The following CACNA1E variants were observed in gnomAD, a reference collection of about 807,000 sequenced individuals.
CACNA1E encodes the protein calcium voltage-gated channel subunit alpha1 E.
A neutral mutation model predicts 259.2 loss-of-function variants in CACNA1E; 40 were observed. That is an observed-to-expected ratio of 0.15 (90% CI 0.12 to 0.20). CACNA1E has a LOEUF of 0.20. CACNA1E is among the 10% of genes least tolerant of loss of function. CACNA1E has a pLI of 1.00. For missense variants in CACNA1E, 1,874 were observed against 3,040.1 expected (o/e 0.62, Z 9.02); for synonymous variants, 1,104 against 1,138.5 (o/e 0.97, Z 0.61).
At chr1:181,714,173 C>CCTGG (rs1371556863) in intron 8 of CACNA1E, among the ~76,000 whole-genome samples, 13 of 152,156 alleles carry the variant, frequency 8.5e-5, no homozygotes, top group African/African-American at 3.1e-4. Flanking sequence ...AACATATCTG[C>CCTGG]CTGGCTGACT....
Position 181,397,446 on chromosome 1 carries a change from A to G in CACNA1E, c.-14-15687A>G, listed in dbSNP as rs569439834. Among the ~76,000 whole-genome samples the G allele has an allele frequency of 4.6e-5, 7 of 152,262 alleles. No homozygotes were observed. The South Asian group carries it at 1.2e-3, about 27-fold the overall frequency. ...CTTCCAAGTAGCTGGGATTACAGGCATGCGTCACCACACCAGGCTAATTTT... is the reference window on the plus strand; with the variant it reads ...CTTCCAAGTAGCTGGGATTACAGGCGTGCGTCACCACACCAGGCTAATTTT... On this transcript the variant is annotated intron_variant, in intron 1 of 11. Coordinates refer to the CACNA1E transcript ENST00000524607.
chr1:181,371,378 C>T (rs1309456698), intron 1 of CACNA1E, among the ~76,000 whole-genome samples: 2 of 152,196 alleles, frequency 1.3e-5, no homozygotes, highest in Non-Finnish European at 2.9e-5. Flanking sequence ...CCTCCCACCT[C>T]AGCCTATGGA....
At chr1:181,606,492 G>C (rs1349572764) in intron 6 of CACNA1E, among the ~76,000 whole-genome samples, 1 of 152,084 alleles carries the variant, frequency 6.6e-6, no homozygotes, top group Non-Finnish European at 1.5e-5. Flanking sequence ...CCCTGACCTG[G>C]CCACCATCTT....
intron 1 of CACNA1E, among the ~76,000 whole-genome samples, chr1:181,322,450 A>C (rs200035375): frequency 3.3e-5 from 5 of 152,228 alleles, no homozygotes; most frequent in Non-Finnish European, 5.9e-5. Context: ...AGCCCCTTGC[A>C]AAACCATTTT....
intron 6 of CACNA1E, among the ~76,000 whole-genome samples, chr1:181,604,894 T>C (rs1162494900): frequency 1.3e-5 from 2 of 152,116 alleles, no homozygotes; most frequent in African/African-American, 4.8e-5. Flanking sequence ...CTAAGTCCAA[T>C]TTGTAGGACA....
At position 181,718,071 on chromosome 1, in the gene CACNA1E, G is replaced by C; in HGVS notation, c.1542G>C (p.Leu514=). ...TACTTCCAGACTATGCAGAATTTCTGTTTCTGGGACTCTTCCTCTTGGAGA... is the reference window on the plus strand; with the variant it reads ...TACTTCCAGACTATGCAGAATTTCTCTTTCTGGGACTCTTCCTCTTGGAGA... ...LTHLLYYAEF[L]FLGLFLLEMS... The change falls in exon 12 of 48, where the codon CTG becomes CTC. Residue 514 remains leucine (L), a synonymous_variant. Coordinates refer to ENST00000367573, the MANE Select transcript of CACNA1E (RefSeq NM_001205293.3). 6.3e-7 allele frequency: 1 copy of C among 1,589,136 alleles called. No individual in the cohort carries two copies. Among genetic ancestry groups the C allele is most frequent in the Non-Finnish European group, 8.6e-7 (1 of 1,157,566 alleles).
intron 6 of CACNA1E, among the ~76,000 whole-genome samples, chr1:181,613,015 ACTGT>A (rs1654885839): frequency 6.6e-6 from 1 of 152,148 alleles, no homozygotes; most frequent in East Asian, 1.9e-4. Context: ...TTTCTCTGTT[ACTGT>A]CTGTCACCTT....
Position 181,784,749 on chromosome 1 carries a change from G to T in CACNA1E, c.5559G>T (p.Leu1853=). The change falls in exon 41 of 48, where the codon CTG becomes CTT. Residue 1853 remains leucine, a synonymous_variant. Coordinates refer to ENST00000367573, the MANE Select transcript of CACNA1E (RefSeq NM_001205293.3). ...ACCTATCCCAGAAGATGCTGGATCTGCTTGTGCCCATGCCCAAAGGTTTGG... is the reference window on the plus strand; with the variant it reads ...ACCTATCCCAGAAGATGCTGGATCTTCTTGTGCCCATGCCCAAAGGTTTGG... ...WPHLSQKMLD[L]LVPMPKASDL... is the part of the protein sequence containing the mutation. 1 of 1,575,080 alleles carries T rather than the reference G, an allele frequency of 6.3e-7. No homozygotes were observed.
intron 6 of CACNA1E, among the ~76,000 whole-genome samples, chr1:181,604,507 C>T (rs1171262511): frequency 6.6e-6 from 1 of 152,160 alleles, no homozygotes; most frequent in Non-Finnish European, 1.5e-5. Flanking sequence ...TGGGTTTGGC[C>T]CTTGCAGGCA....
chr1:181,791,960 G>A (rs1023367080), intron 44 of CACNA1E, among the ~76,000 whole-genome samples: 1 of 152,184 alleles, frequency 6.6e-6, no homozygotes, highest in Non-Finnish European at 1.5e-5. Flanking sequence ...ACAGAGAATC[G>A]TGCATGGTTG....
At chr1:181,442,683 G>A (rs1015358910) in intron 2 of CACNA1E, among the ~76,000 whole-genome samples, 4 of 152,152 alleles carry the variant, frequency 2.6e-5, no homozygotes, top group Non-Finnish European at 5.9e-5. Flanking sequence ...AGGAGTTGGA[G>A]GACATGACCA....
intron 1 of CACNA1E, among the ~76,000 whole-genome samples, chr1:181,493,468 C>T (rs1335350914): frequency 2.6e-5 from 4 of 152,184 alleles, no homozygotes; most frequent in African/African-American, 9.7e-5. Context: ...ACAGGGTGCT[C>T]TTCTGTTGTT....
chr1:181,578,800 C>T (rs1289584574), intron 4 of CACNA1E, among the ~76,000 whole-genome samples: 1 of 152,140 alleles, frequency 6.6e-6, no homozygotes, highest in African/African-American at 2.4e-5. Context: ...CTGAATAGTG[C>T]TTGTACTAAT....
intron 6 of CACNA1E, 74 bp downstream of exon 6, chr1:181,580,850 T>G (rs1315509077): frequency 2.6e-5 from 35 of 1,359,680 alleles, no homozygotes; most frequent in Non-Finnish European, 3.2e-5. Flanking sequence ...TTGTTTGGCC[T>G]GGCTAGTCCG....
chr1:181,623,916 A>G (rs1249542213), intron 6 of CACNA1E, among the ~76,000 whole-genome samples: 2 of 152,224 alleles, frequency 1.3e-5, no homozygotes, highest in African/African-American at 4.8e-5. Context: ...TTTTCTTGCT[A>G]TAAAAGAATA....
intron 37 of CACNA1E, among the ~76,000 whole-genome samples, chr1:181,772,678 T>C (rs1659624355): frequency 6.6e-6 from 1 of 152,156 alleles, no homozygotes; most frequent in South Asian, 2.1e-4. Flanking sequence ...AAAGGTACCT[T>C]GAAAATGCAA....
chr1:181,722,389 C>T (rs1406259402), intron 16 of CACNA1E, among the ~76,000 whole-genome samples: 2 of 152,148 alleles, frequency 1.3e-5, no homozygotes, highest in East Asian at 3.9e-4. Context: ...CTAATCCTTA[C>T]AAGACAGAGA....
At chr1:181,560,593 C>A (rs1376498370) in intron 3 of CACNA1E, among the ~76,000 whole-genome samples, 1 of 152,166 alleles carries the variant, frequency 6.6e-6, no homozygotes, top group Non-Finnish European at 1.5e-5. Context: ...CTCAACCATT[C>A]CCCTACTGTT....
chr1:181,783,666 C>A lies in CACNA1E; in HGVS notation c.5365-13C>A. The A allele has an allele frequency of 1.0e-5, 13 of 1,256,448 alleles. No homozygotes were observed. Among genetic ancestry groups the A allele is most frequent in the African/African-American group, 1.6e-5 (1 of 61,296 alleles). 77.8% of individuals were successfully genotyped at this position (1,256,448 alleles called of 1,614,324 possible). On this transcript the variant is annotated splice_polypyrimidine_tract_variant and intron_variant, in intron 39 of 47. Transcript: ENST00000367573. The stretch of plus-strand genomic sequence containing the variant: ...TTTTTTTGCCTGCTGTTTCTTTTTT[C>A]TCTTTCACACAGAGGTTGGTCCTGA...
Sources: allele counts gnomAD v4.1 joint callset (sites outside exome capture counted in the v4.1 genomes callset), GRCh38; gene constraint gnomAD v4.1.1; transcripts MANE v1.5; gene names NCBI Gene and HGNC (gene_info 2026-07-23, HGNC 2026-07-21).